PARVA: variants seen among roughly 807,000 people sequenced by gnomAD.
PARVA encodes alpha-parvin.
PARVA carries 25 observed loss-of-function variants against 52.6 expected under a neutral mutation model. The ratio of observed to expected loss-of-function variants is 0.48; its 90% CI spans 0.35 to 0.66. The LOEUF is 0.66. PARVA is among the 30% of genes least tolerant of loss of function. The pLI is 0.01. For missense variants in PARVA, 373 were observed against 450.9 expected, an observed-to-expected ratio of 0.83 and a Z score of 1.56; for synonymous variants, 185 against 179.1, an observed-to-expected ratio of 1.03 and a Z score of -0.26.
At chr11:12,474,056 C>A in intron 3 of PARVA, 73 bp downstream of exon 3, 2 of 1,220,532 alleles carry the variant, frequency 1.6e-6, no homozygotes, top group Admixed American at 2.0e-5. Flanking sequence ...CTGCTCTGTG[C>A]AGGTACCCCA....
intron 1 of PARVA, among the ~76,000 whole-genome samples, chr11:12,390,192 A>G (rs1405962256): frequency 6.6e-6 from 1 of 152,210 alleles, no homozygotes; most frequent in Non-Finnish European, 1.5e-5. Context: ...TAATCTGCCA[A>G]TTGCAGTATT....
intron 1 of PARVA, among the ~76,000 whole-genome samples, chr11:12,413,033 T>A (rs1205660597): frequency 1.3e-5 from 2 of 152,144 alleles, no homozygotes; most frequent in African/African-American, 4.8e-5. Context: ...TTATTAAGAG[T>A]AATAATAACA....
chr11:12,465,313 C>T (rs1055503844), intron 1 of PARVA, among the ~76,000 whole-genome samples: 2 of 152,178 alleles, frequency 1.3e-5, no homozygotes, highest in Non-Finnish European at 2.9e-5. Context: ...GAGTCCCCAC[C>T]AGCACAAAGG....
At position 12,533,165 on chromosome 11, in the gene PARVA, G is replaced by A. The variant is rs1941793823; in HGVS notation, c.*5240G>A. Among the ~76,000 whole-genome samples, 2 of 152,184 alleles carry A rather than the reference G, an allele frequency of 1.3e-5. No individual in the cohort carries two copies. Among genetic ancestry groups the A allele is most frequent in the Admixed American group, 6.5e-5 (1 of 15,280 alleles). The stretch of plus-strand genomic sequence containing the variant: ...ACTACCCCCAGCCTCTCCACAATGT[G>A]TCCTGAGAAGAGCTAGGGGAACTGG... On this transcript the variant is annotated 3_prime_UTR_variant, in exon 13 of 13. Coordinates refer to ENST00000334956, the MANE Select transcript of PARVA (RefSeq NM_018222.5).
chr11:12,415,855 C>G (rs969966413), intron 1 of PARVA, among the ~76,000 whole-genome samples: 7 of 152,108 alleles, frequency 4.6e-5, no homozygotes, highest in Non-Finnish European at 8.8e-5. Context: ...AAAGATGAAG[C>G]CTTGTAATTG....
chr11:12,491,290 A>C lies in PARVA; in HGVS notation c.401-5168A>C, dbSNP rs550582841. Among the ~76,000 whole-genome samples the C allele has an allele frequency of 8.5e-5, 13 of 152,244 alleles. No individual in the cohort carries two copies. The South Asian group carries it at 2.7e-3, about 32-fold the overall frequency. ...AGAAATCCTCCCATTTCAGCCCCCC[A>C]GGTAGTTAGGACTACAGGTGTGTGC... On this transcript the variant is annotated intron_variant, in intron 4 of 12. Coordinates refer to ENST00000334956, the MANE Select transcript of PARVA (RefSeq NM_018222.5).
At chr11:12,477,099 CT>C (rs747037359) in intron 3 of PARVA, 289 of 142,358 alleles carry the variant, frequency 2.0e-3, no homozygotes, top group Non-Finnish European at 1.7e-3. Context: ...GTATACTTAA[CT>C]TTTTTTTTTT....
chr11:12,505,262 G>A (rs539146008), intron 6 of PARVA, among the ~76,000 whole-genome samples: 3 of 152,284 alleles, frequency 2.0e-5, no homozygotes, highest in Non-Finnish European at 1.5e-5. Flanking sequence ...GCTCCCTGGC[G>A]ATCCAGGCTC....
intron 1 of PARVA, among the ~76,000 whole-genome samples, chr11:12,405,953 CAAAAG>C (rs1328404839): frequency 1.3e-5 from 2 of 151,824 alleles, no homozygotes; most frequent in African/African-American, 4.8e-5. Flanking sequence ...GAGTCTGTCT[CAAAAG>C]AAAAAAGAAT....
chr11:12,500,198 T>G (rs1454493207), intron 5 of PARVA, among the ~76,000 whole-genome samples: 2 of 152,180 alleles, frequency 1.3e-5, no homozygotes, highest in Admixed American at 6.5e-5. Context: ...GAAGACTATT[T>G]CTAACTCAGC....
At chr11:12,394,922 T>G (rs758201045) in intron 1 of PARVA, among the ~76,000 whole-genome samples, 25 of 151,902 alleles carry the variant, frequency 1.6e-4, no homozygotes, top group Non-Finnish European at 2.5e-4. Context: ...TGAAACCCCA[T>G]CTCTACTAAA....
chr11:12,395,443 G>A (rs932861680), intron 1 of PARVA, among the ~76,000 whole-genome samples: 1 of 152,272 alleles, frequency 6.6e-6, no homozygotes, highest in East Asian at 1.9e-4. Flanking sequence ...TCAGTGCCGG[G>A]AGAATCGGGC....
At chr11:12,495,653 G>T (rs1941289791) in intron 4 of PARVA, among the ~76,000 whole-genome samples, 1 of 102,698 alleles carries the variant, frequency 9.7e-6, no homozygotes, top group Non-Finnish European at 2.2e-5. Context: ...TTATGTCATT[G>T]CATAAAAAAA....
intron 4 of PARVA, among the ~76,000 whole-genome samples, chr11:12,491,343 T>C (rs1203620372): frequency 6.6e-6 from 1 of 152,154 alleles, no homozygotes; most frequent in Non-Finnish European, 1.5e-5. Flanking sequence ...TATCTTCTTA[T>C]TTTTTGTACA....
intron 12 of PARVA, among the ~76,000 whole-genome samples, chr11:12,522,112 G>A (rs745350851): frequency 1.8e-4 from 27 of 152,134 alleles, no homozygotes; most frequent in Non-Finnish European, 8.8e-5. Flanking sequence ...TCCATTCATA[G>A]GTACGTATGT....
rs1941814211 is a variant in PARVA at position 12,534,655 on chromosome 11, G to A, written c.*6730G>A. Among the ~76,000 whole-genome samples, 1 of 152,208 alleles carries A rather than the reference G, an allele frequency of 6.6e-6. No homozygotes were observed. The highest frequency in any genetic ancestry group is 2.4e-5 in the African/African-American group (1 of 41,448). On this transcript the variant is annotated 3_prime_UTR_variant, in exon 13 of 13. Transcript: ENST00000334956. ...GTCATTAAGGCAACCGCTTAAAGGA[G>A]TGTGATATTTTATTGAGGTAGACAG...
intron 4 of PARVA, among the ~76,000 whole-genome samples, chr11:12,495,301 T>C (rs947110426): frequency 3.3e-5 from 5 of 152,328 alleles, no homozygotes; most frequent in Admixed American, 6.5e-5. Flanking sequence ...AAATTCTCCA[T>C]TGGGCAACTT....
chr11:12,391,450 T>C (rs896438486), intron 1 of PARVA, among the ~76,000 whole-genome samples: 1 of 152,228 alleles, frequency 6.6e-6, no homozygotes, highest in Non-Finnish European at 1.5e-5. Flanking sequence ...TCAGTATTAC[T>C]GGTTCTGGGA....
Position 12,527,985 on chromosome 11 carries a change from C to T in PARVA, c.*60C>T. On this transcript the variant is annotated 3_prime_UTR_variant, in exon 13 of 13. Coordinates refer to ENST00000334956, the MANE Select transcript of PARVA (RefSeq NM_018222.5). ...CTTGCTGTTGGCGTACTGGACCCTCCTCCGAACTGCCTTACCCTGCTTATT... is the reference window on the plus strand; with the variant it reads ...CTTGCTGTTGGCGTACTGGACCCTCTTCCGAACTGCCTTACCCTGCTTATT... 8.5e-7 allele frequency: 1 copy of T among 1,176,640 alleles called. No homozygotes were observed. Among genetic ancestry groups the T allele is most frequent in the Non-Finnish European group, 1.3e-6 (1 of 782,208 alleles). The allele number at this position is 1,176,640 out of a possible 1,614,324, so 72.9% of individuals were successfully genotyped here. A position where few individuals can be genotyped will look rare whatever the true frequency, so the allele number is the denominator to read the frequency against.
Sources: allele counts gnomAD v4.1 joint callset (sites outside exome capture counted in the v4.1 genomes callset), GRCh38; gene constraint gnomAD v4.1.1; transcripts MANE v1.5; gene names NCBI Gene and HGNC (gene_info 2026-07-23, HGNC 2026-07-21).